The following SCAPER variants were observed in gnomAD, a reference collection of about 807,000 sequenced individuals.
The protein encoded by SCAPER is S-phase cyclin A associated protein in the ER, also known as S phase cyclin A-associated protein in the endoplasmic reticulum.
A neutral mutation model predicts 182.2 loss-of-function variants in SCAPER; 98 were observed. That is an observed-to-expected ratio of 0.54 (90% CI 0.46 to 0.64). SCAPER has a LOEUF of 0.64. SCAPER is among the 30% of genes least tolerant of loss of function. The pLI is 0.00. For missense variants in SCAPER, 1,432 were observed against 1,690.0 expected, an observed-to-expected ratio of 0.85 and a Z score of 2.68; for synonymous variants, 605 against 564.6, an observed-to-expected ratio of 1.07 and a Z score of -1.01.
intron 22 of SCAPER, among the ~76,000 whole-genome samples, chr15:76,580,411 T>C (rs537299905): frequency 5.9e-5 from 9 of 152,202 alleles, no homozygotes; most frequent in Non-Finnish European, 1.3e-4. Flanking sequence ...CACATGGTCC[T>C]GAATGACCAG....
intron 27 of SCAPER, among the ~76,000 whole-genome samples, chr15:76,396,329 T>C (rs746539507): frequency 4.6e-5 from 7 of 152,188 alleles, no homozygotes; most frequent in African/African-American, 9.7e-5. Flanking sequence ...TCTATATACA[T>C]TTTAGGATTG....
chr15:76,861,267 A>C (rs932187062), intron 3 of SCAPER, among the ~76,000 whole-genome samples: 1 of 152,222 alleles, frequency 6.6e-6, no homozygotes, highest in African/African-American at 2.4e-5. Flanking sequence ...CAAATTACTC[A>C]TTAGTTACAT....
intron 24 of SCAPER, among the ~76,000 whole-genome samples, chr15:76,478,987 C>T (rs1160631274): frequency 4.0e-5 from 6 of 151,846 alleles, no homozygotes; most frequent in South Asian, 4.2e-4. Flanking sequence ...ATCTTTTGTG[C>T]GTTATCATGA....
chr15:76,622,870 T>C (rs1567627020), intron 21 of SCAPER, among the ~76,000 whole-genome samples: 1 of 152,288 alleles, frequency 6.6e-6, no homozygotes, highest in East Asian at 1.9e-4. Context: ...CGATCCCCAA[T>C]GTTGGAAGTC....
intron 27 of SCAPER, among the ~76,000 whole-genome samples, chr15:76,387,206 A>G (rs1311133270): frequency 6.6e-6 from 1 of 152,210 alleles, no homozygotes; most frequent in East Asian, 1.9e-4. Flanking sequence ...TGTGGTTGCC[A>G]TTTACAGAAA....
rs1231476258 is a variant in SCAPER at position 76,667,645 on chromosome 15, A to C, written c.2509-1856T>G. Among the ~76,000 whole-genome samples, 175 of 122,496 alleles carry C rather than the reference A, an allele frequency of 1.4e-3. 3 individuals are homozygous for C. The highest frequency in any genetic ancestry group is 5.9e-3 in the African/African-American group (165 of 28,054). The allele number at this position is 122,496 out of a possible 152,430, so 80.4% of individuals were successfully genotyped here. ...AGTCTCAAAAAAAAAAAAAAAAAAA[A>C]AAAAAAAAAAAAAAAAACGCTCCTC... On this transcript the variant is annotated intron_variant, in intron 20 of 31. Transcript: ENST00000563290.
rs1383921983 is a variant in SCAPER, at chr15:76,759,806, G to C, written c.1725+5155C>G. Among the ~76,000 whole-genome samples, 3 of 152,108 alleles carry C rather than the reference G, an allele frequency of 2.0e-5. No homozygotes were observed. In the East Asian group the frequency reaches 5.8e-4, roughly 29 times the overall value. On this transcript the variant is annotated intron_variant, in intron 14 of 31. Transcript: ENST00000563290. ...TATTTCACCATACTTACATTCCAGA[G>C]ATAAATACCACTCAATCATGGTATG...
chr15:76,473,329 G>C (rs1341535896), intron 24 of SCAPER, among the ~76,000 whole-genome samples: 1 of 152,134 alleles, frequency 6.6e-6, no homozygotes, highest in African/African-American at 2.4e-5. Context: ...TACCCTGATT[G>C]TTTATGGAAA....
intron 4 of SCAPER, among the ~76,000 whole-genome samples, chr15:76,857,453 A>C (rs1434364777): frequency 1.3e-5 from 2 of 151,978 alleles, no homozygotes; most frequent in Non-Finnish European, 2.9e-5. Flanking sequence ...AAAGTTAAAA[A>C]AAAAAAAGAA....
At chr15:76,383,082 A>G (rs894667135) in intron 27 of SCAPER, among the ~76,000 whole-genome samples, 4 of 62,258 alleles carry the variant, frequency 6.4e-5, no homozygotes, top group African/African-American at 1.2e-4. Flanking sequence ...TAGTGTGTGT[A>G]TAGGTGTGTG....
intron 6 of SCAPER, among the ~76,000 whole-genome samples, chr15:76,801,979 A>G (rs755364908): frequency 6.6e-6 from 1 of 151,514 alleles, no homozygotes; most frequent in African/African-American, 2.4e-5. Context: ...AATGGTAACC[A>G]CTCTGTTAAG....
chr15:76,466,419 CTTTTTTTTTTTT>C, intron 25 of SCAPER, among the ~76,000 whole-genome samples: 1 of 37,420 alleles, frequency 2.7e-5, no homozygotes, highest in East Asian at 1.2e-3. Flanking sequence ...GTTGGTTCTT[CTTTTTTTTTTTT>C]TTTTTTTTTT....
At chr15:76,416,903 TA>T (rs1168378382) in intron 26 of SCAPER, among the ~76,000 whole-genome samples, 1 of 151,856 alleles carries the variant, frequency 6.6e-6, no homozygotes, top group Non-Finnish European at 1.5e-5. Flanking sequence ...AAAAGTGAAT[TA>T]AAAAAGTATA....
chr15:76,599,785 A>G lies in SCAPER; in HGVS notation c.2711+21979T>C, dbSNP rs1393280223. Among the ~76,000 whole-genome samples the G allele has an allele frequency of 5.7e-5, 7 of 121,818 alleles. 1 individual carries two copies. In the East Asian group the frequency reaches 1.6e-3, roughly 27 times the overall value. 79.9% of individuals were successfully genotyped at this position (121,818 alleles called of 152,430 possible). A position where few individuals can be genotyped will look rare whatever the true frequency, so the allele number is the denominator to read the frequency against. On this transcript the variant is annotated intron_variant, in intron 22 of 31. Coordinates refer to ENST00000563290, the MANE Select transcript of SCAPER (RefSeq NM_020843.4). Reference sequence around the variant, plus strand: ...GAGTAAAGGGATTCACCAAGGACATATAATAACCTTCTGGGATGATGATAC... The same window carrying G: ...GAGTAAAGGGATTCACCAAGGACATGTAATAACCTTCTGGGATGATGATAC...
In SCAPER at chr15:76,562,148, CAAAAAAAAAAAA is replaced by C. The variant is rs66722088; in HGVS notation, c.2838+11998_2838+12009del. On this transcript the variant is annotated intron_variant, in intron 23 of 31. Coordinates refer to ENST00000563290, the MANE Select transcript of SCAPER (RefSeq NM_020843.4). ...GGGCAACAAGAGCAAAACTTCATCT[CAAAAAAAAAAAA>C]AAAAAAAAAATTAATACCAAATGGA... Among the ~76,000 whole-genome samples, 5 of 74,032 alleles carry C rather than the reference CAAAAAAAAAAAA, an allele frequency of 6.8e-5. No homozygotes were observed. The East Asian group carries it at 2.6e-3, about 38-fold the overall frequency. The allele number at this position is 74,032 out of a possible 152,430, so 48.6% of individuals were successfully genotyped here. A position where few individuals can be genotyped will look rare whatever the true frequency, so the allele number is the denominator to read the frequency against.
rs1596447175 is a variant in SCAPER, at chr15:76,400,301, T to C, written c.3467+4223A>G. ...GGACAAAGCCTTCCTTGACTCTGGTTCTGGCTAGCTTCTGGTAGCCAAAAT... is the reference window on the plus strand; with the variant it reads ...GGACAAAGCCTTCCTTGACTCTGGTCCTGGCTAGCTTCTGGTAGCCAAAAT... On this transcript the variant is annotated intron_variant, in intron 27 of 31. Coordinates refer to ENST00000563290, the MANE Select transcript of SCAPER (RefSeq NM_020843.4). Among the ~76,000 whole-genome samples, 3 of 152,360 alleles carry C rather than the reference T, an allele frequency of 2.0e-5. No homozygotes were observed. In the East Asian group the frequency reaches 5.8e-4, roughly 29 times the overall value.
intron 26 of SCAPER, among the ~76,000 whole-genome samples, chr15:76,430,170 C>T (rs917447530): frequency 5.9e-5 from 9 of 152,248 alleles, no homozygotes; most frequent in Admixed American, 3.9e-4. Flanking sequence ...ACAGGATGTA[C>T]GGAAATGCCT....
intron 14 of SCAPER, among the ~76,000 whole-genome samples, chr15:76,761,105 T>C (rs2062759357): frequency 6.6e-6 from 1 of 152,180 alleles, no homozygotes; most frequent in African/African-American, 2.4e-5. Context: ...TCTAGGAATT[T>C]ATCCACTTCT....
intron 14 of SCAPER, among the ~76,000 whole-genome samples, chr15:76,754,897 T>A (rs1163135503): frequency 1.3e-5 from 2 of 152,158 alleles, no homozygotes; most frequent in Non-Finnish European, 2.9e-5. Context: ...ACCTGCCCTG[T>A]GTACATCATA....
Sources: gnomAD v4.1 joint callset for allele counts (sites outside exome capture counted in the v4.1 genomes callset) on GRCh38, gnomAD v4.1.1 for gene constraint, MANE v1.5 for transcripts, NCBI Gene and HGNC (gene_info 2026-07-23, HGNC 2026-07-21) for gene names.